The following C8orf34 variants were observed in gnomAD, a reference collection of about 807,000 sequenced individuals.
The protein encoded by C8orf34 is chromosome 8 open reading frame 34.
In C8orf34, 65 loss-of-function variants were observed where a neutral mutation model predicts 68.3. The ratio of observed to expected loss-of-function variants is 0.95; its 90% CI spans 0.78 to 1.17. The LOEUF is 1.17. Ranked by LOEUF, C8orf34 falls within the 50% of genes most tolerant of loss-of-function variation. The pLI, the probability that C8orf34 is intolerant of heterozygous loss-of-function variation, is 0.00. For synonymous variants in C8orf34, 244 were observed against 241.2 expected (o/e 1.01, Z -0.11); for missense variants, 664 against 655.4 (o/e 1.01, Z -0.14).
At chr8:68,628,344 C>G (rs530433711) in intron 7 of C8orf34, among the ~76,000 whole-genome samples, 66 of 152,142 alleles carry the variant, frequency 4.3e-4, no homozygotes, top group Non-Finnish European at 8.7e-4. Context: ...AAATAGAGAA[C>G]CAACAGAAAC....
chr8:68,502,186 C>T (rs1403961274), intron 5 of C8orf34, among the ~76,000 whole-genome samples: 2 of 152,202 alleles, frequency 1.3e-5, no homozygotes, highest in Non-Finnish European at 2.9e-5. Context: ...CTGCTTCAGC[C>T]TCCTGAATAG....
intron 7 of C8orf34, among the ~76,000 whole-genome samples, chr8:68,564,963 G>T (rs1816541089): frequency 6.6e-6 from 1 of 152,160 alleles, no homozygotes; most frequent in Non-Finnish European, 1.5e-5. Context: ...TTGGAGCTGG[G>T]TTGAGAATAG....
intron 11 of C8orf34, among the ~76,000 whole-genome samples, chr8:68,780,775 T>A (rs937392649): frequency 2.6e-5 from 4 of 151,930 alleles, no homozygotes; most frequent in African/African-American, 7.3e-5. Context: ...TACACACACA[T>A]ACACACCCCA....
At chr8:68,571,219 G>A (rs1489203186) in intron 7 of C8orf34, among the ~76,000 whole-genome samples, 1 of 152,152 alleles carries the variant, frequency 6.6e-6, no homozygotes, top group East Asian at 1.9e-4. Context: ...CTCTTTGCCT[G>A]TAGCTACTCC....
intron 7 of C8orf34, among the ~76,000 whole-genome samples, chr8:68,620,532 A>G (rs1246760777): frequency 6.6e-6 from 1 of 152,162 alleles, no homozygotes; most frequent in Non-Finnish European, 1.5e-5. Context: ...CTTGCTGTCT[A>G]CTGCCTTGAG....
intron 1 of C8orf34, among the ~76,000 whole-genome samples, chr8:68,389,713 A>T (rs1288164200): frequency 6.6e-6 from 1 of 152,164 alleles, no homozygotes; most frequent in Non-Finnish European, 1.5e-5. Context: ...CAAATTAAAA[A>T]CCTGAAGGTG....
In C8orf34 at chr8:68,537,668, T is replaced by A. The variant is rs151041635; in HGVS notation, c.1105+4519T>A. Among the ~76,000 whole-genome samples, 864 of 152,168 alleles carry A rather than the reference T, an allele frequency of 5.7e-3. 8 individuals carry two copies. The highest frequency in any genetic ancestry group is 0.02 in the African/African-American group (830 of 41,562). On this transcript the variant is annotated intron_variant, in intron 7 of 13. Coordinates refer to ENST00000518698, the MANE Select transcript of C8orf34 (RefSeq NM_052958.4). ...GATTCATTTTCATCATATTATCATGTTAAAAAGCTTTATTTAGGATTCTTT... is the reference window on the plus strand; with the variant it reads ...GATTCATTTTCATCATATTATCATGATAAAAAGCTTTATTTAGGATTCTTT...
rs1440126132 is a variant in C8orf34 at position 68,628,028 on chromosome 8, ACTTT to A, written c.1106-12339_1106-12336del. ...TTTCCCTAACTTAATTAGTCTAATC[ACTTT>A]CTTTCTTTATTGATCTCATGTGGTC... is the stretch of plus-strand genomic sequence containing the variant. On this transcript the variant is annotated intron_variant, in intron 7 of 13. Transcript: ENST00000518698. 4.6e-5 allele frequency among the ~76,000 whole-genome samples: 7 copies of A among 152,276 alleles called. No individual in the cohort carries two copies. The East Asian group carries it at 9.6e-4, about 21-fold the overall frequency.
intron 7 of C8orf34, among the ~76,000 whole-genome samples, chr8:68,632,664 G>T (rs1818726335): frequency 6.6e-6 from 1 of 152,062 alleles, no homozygotes; most frequent in African/African-American, 2.4e-5. Context: ...GGTTTTATGG[G>T]TCAGGCCAGG....
intron 6 of C8orf34, among the ~76,000 whole-genome samples, chr8:68,526,932 G>A (rs1457607575): frequency 2.0e-5 from 3 of 152,158 alleles, no homozygotes; most frequent in Non-Finnish European, 4.4e-5. Context: ...AGGCTCAGGA[G>A]GCTCCACCTG....
intron 7 of C8orf34, among the ~76,000 whole-genome samples, chr8:68,555,904 A>G (rs1816235974): frequency 6.6e-6 from 1 of 152,102 alleles, no homozygotes; most frequent in Non-Finnish European, 1.5e-5. Context: ...CCTAGGTACC[A>G]CTATGAATAT....
chr8:68,798,287 G>GCT, intron 12 of C8orf34, among the ~76,000 whole-genome samples: 1 of 108,136 alleles, frequency 9.2e-6, no homozygotes, highest in Non-Finnish European at 1.8e-5. Flanking sequence ...ATTATGTCTG[G>GCT]CTTTTTTTTT....
chr8:68,776,009 G>A (rs895739392), intron 10 of C8orf34, among the ~76,000 whole-genome samples: 1 of 152,156 alleles, frequency 6.6e-6, no homozygotes, highest in African/African-American at 2.4e-5. Flanking sequence ...TGCTGTGGTG[G>A]TGGAGGGAGG....
At chr8:68,427,728 T>C (rs1462827617) in intron 1 of C8orf34, among the ~76,000 whole-genome samples, 3 of 152,062 alleles carry the variant, frequency 2.0e-5, no homozygotes, top group Non-Finnish European at 2.9e-5. Context: ...CTACAGATTG[T>C]ACCAATGTCA....
rs1817677695 is a variant in C8orf34 at position 68,600,882 on chromosome 8, T to G, written c.1106-39494T>G. 3.3e-5 allele frequency among the ~76,000 whole-genome samples: 5 copies of G among 152,172 alleles called. No individual in the cohort carries two copies. The South Asian group carries it at 1.0e-3, about 32-fold the overall frequency. On this transcript the variant is annotated intron_variant, in intron 7 of 13. Transcript: ENST00000518698. ...TGCTCCTTCCATCTAATTGTATGTT[T>G]GTACCCATTCACCAACCTGTGAATT... is the stretch of plus-strand genomic sequence containing the variant.
At chr8:68,403,432 C>T (rs1045162053) in intron 1 of C8orf34, among the ~76,000 whole-genome samples, 3 of 152,144 alleles carry the variant, frequency 2.0e-5, no homozygotes, top group South Asian at 2.1e-4. Context: ...ACGTGCAAAA[C>T]GTGCAGGTTT....
intron 11 of C8orf34, among the ~76,000 whole-genome samples, chr8:68,783,470 A>G (rs983183244): frequency 3.9e-5 from 4 of 102,476 alleles, no homozygotes; most frequent in Admixed American, 3.7e-4. Context: ...GTGAGCCAAG[A>G]TGGTGCCATT....
At chr8:68,639,929 GA>G (rs1818954791) in intron 7 of C8orf34, among the ~76,000 whole-genome samples, 1 of 152,196 alleles carries the variant, frequency 6.6e-6, no homozygotes, top group African/African-American at 2.4e-5. Context: ...GTTAGAAACG[GA>G]GGATTTATGC....
At chr8:68,685,463 G>A (rs1243768176) in intron 8 of C8orf34, among the ~76,000 whole-genome samples, 1 of 152,034 alleles carries the variant, frequency 6.6e-6, no homozygotes, top group African/African-American at 2.4e-5. Flanking sequence ...AATTGTCCGT[G>A]TATAAATCCT....
Sources: gnomAD v4.1 joint callset for allele counts (sites outside exome capture counted in the v4.1 genomes callset) on GRCh38, gnomAD v4.1.1 for gene constraint, MANE v1.5 for transcripts, NCBI Gene and HGNC (gene_info 2026-07-23, HGNC 2026-07-21) for gene names.